The following ZCCHC24 variants were observed in gnomAD, a reference collection of about 807,000 sequenced individuals.
ZCCHC24 encodes zinc finger CCHC-type containing 24.
ZCCHC24 carries 10 observed loss-of-function variants against 26.2 expected under a neutral mutation model. The observed-to-expected ratio is 0.38, with a 90% confidence interval of 0.24 to 0.65. The LOEUF (loss-of-function observed/expected upper bound fraction) is 0.65, where lower values mean the gene tolerates loss of function less well. Among genes scored for constraint, ZCCHC24 ranks in the 30% least tolerant of loss-of-function variants. ZCCHC24 has a pLI of 0.54. For missense variants in ZCCHC24, 243 were observed against 329.1 expected (o/e 0.74, Z 2.03); for synonymous variants, 144 against 147.1 (o/e 0.98, Z 0.15).
At chr10:79,415,716 T>C (rs1172385393) in intron 2 of ZCCHC24, among the ~76,000 whole-genome samples, 3 of 152,174 alleles carry the variant, frequency 2.0e-5, no homozygotes, top group Non-Finnish European at 2.9e-5. Flanking sequence ...TCAGAGGTTG[T>C]TGGAGTGACA....
chr10:79,445,082 A>C, intron 1 of ZCCHC24, 113 bp downstream of exon 1: 1 of 1,075,648 alleles, frequency 9.3e-7, no homozygotes, highest in Non-Finnish European at 1.2e-6. Context: ...GGGCCCGGCA[A>C]TGCGGAGCCG....
intron 2 of ZCCHC24, among the ~76,000 whole-genome samples, chr10:79,424,688 C>T (rs1857001738): frequency 6.6e-6 from 1 of 152,212 alleles, no homozygotes; most frequent in African/African-American, 2.4e-5. Context: ...TCCCTGGCCT[C>T]CAGATAAAGT....
rs2132203578 is a variant in ZCCHC24, at chr10:79,419,320, C to T, written c.447+13238G>A. Reference sequence around the variant, plus strand: ...GCCAAGCCCTGCATTAGACGCTTTCCACACACACTCTGCAAGGATGGTGAA... The same window carrying T: ...GCCAAGCCCTGCATTAGACGCTTTCTACACACACTCTGCAAGGATGGTGAA... On this transcript the variant is annotated intron_variant, in intron 2 of 3. Transcript: ENST00000372336. 1.3e-5 allele frequency among the ~76,000 whole-genome samples: 2 copies of T among 152,312 alleles called. 1 individual carries two copies. The highest frequency in any genetic ancestry group is 4.1e-4 in the South Asian group (2 of 4,830).
intron 1 of ZCCHC24, chr10:79,444,216 G>C (rs1446119004): frequency 6.7e-7 from 1 of 1,498,422 alleles, no homozygotes. Flanking sequence ...GGCCACAGAT[G>C]GGTGTCTGAA....
At chr10:79,404,301 A>T (rs1856679158) in intron 2 of ZCCHC24, among the ~76,000 whole-genome samples, 1 of 152,178 alleles carries the variant, frequency 6.6e-6, no homozygotes, top group African/African-American at 2.4e-5. Context: ...CTCAGGCAAA[A>T]CTTTTTGGAA....
rs866934545 is a variant in ZCCHC24 at position 79,445,262 on chromosome 10, G to A, written c.179C>T (p.Pro60Leu). The change falls in exon 1 of 4, where the codon CCC (proline) becomes CTC (leucine). Residue 60 changes from proline to leucine, a missense_variant. Transcript: ENST00000372336. The part of the protein sequence containing the change: ...PPELAFGKGR[P>L]EQLGSPLHSS... ...GTGCAGGGGCGAGCCCAGCTGCTCGGGGCGGCCCTTGCCGAAGGCCAGCTC... is the reference window on the plus strand; with the variant it reads ...GTGCAGGGGCGAGCCCAGCTGCTCGAGGCGGCCCTTGCCGAAGGCCAGCTC... 6.9e-7 allele frequency: 1 copy of A among 1,446,814 alleles called. No individual in the cohort carries two copies. The highest frequency in any genetic ancestry group is 9.1e-7 in the Non-Finnish European group (1 of 1,095,898). 89.6% of individuals were successfully genotyped at this position (1,446,814 alleles called of 1,614,324 possible). A position where few individuals can be genotyped will look rare whatever the true frequency, so the allele number is the denominator to read the frequency against.
chr10:79,435,265 A>T (rs1857200802), intron 1 of ZCCHC24, among the ~76,000 whole-genome samples: 1 of 151,504 alleles, frequency 6.6e-6, no homozygotes, highest in African/African-American at 2.4e-5. Context: ...AGTCCACAGG[A>T]ATCAGGCTGT....
At chr10:79,423,611 T>TATATA (rs1856985350) in intron 2 of ZCCHC24, among the ~76,000 whole-genome samples, 1 of 83,768 alleles carries the variant, frequency 1.2e-5, no homozygotes, top group African/African-American at 5.9e-5. Context: ...ATATATATAT[T>TATATA]TTCTGACTGC....
chr10:79,399,374 G>GT (rs1856598972), intron 2 of ZCCHC24, among the ~76,000 whole-genome samples: 1 of 152,222 alleles, frequency 6.6e-6, no homozygotes, highest in Non-Finnish European at 1.5e-5. Flanking sequence ...GAAACAGACG[G>GT]TAACTGCTGA....
chr10:79,414,544 C>T (rs1288851387), intron 2 of ZCCHC24, among the ~76,000 whole-genome samples: 1 of 152,190 alleles, frequency 6.6e-6, no homozygotes, highest in Non-Finnish European at 1.5e-5. Context: ...CATCTGGAAC[C>T]TCTGGATATC....
At chr10:79,406,057 G>C (rs1360506974) in intron 2 of ZCCHC24, among the ~76,000 whole-genome samples, 1 of 152,242 alleles carries the variant, frequency 6.6e-6, no homozygotes, top group African/African-American at 2.4e-5. Context: ...ACAGCACTTA[G>C]GAGACTGTGG....
intron 2 of ZCCHC24, among the ~76,000 whole-genome samples, chr10:79,397,300 G>C (rs778874172): frequency 2.6e-5 from 4 of 152,222 alleles, no homozygotes; most frequent in African/African-American, 4.8e-5. Flanking sequence ...CTCAGCACTG[G>C]TCAGATCTGA....
In ZCCHC24 at chr10:79,386,417, C is replaced by T. The variant is rs1270162107; in HGVS notation, c.654G>A (p.Gln218=). 1 of 1,610,574 alleles carries T rather than the reference C, an allele frequency of 6.2e-7. No individual in the cohort carries two copies. The highest frequency in any genetic ancestry group is 1.1e-5 in the South Asian group (1 of 90,984). ...AGAGGTGCTGCGGGTGCTCCTTGCT[C>T]TGGTCGGACACGTCCAGGCCGTCGG... is the stretch of plus-strand genomic sequence containing the variant. The part of the protein sequence containing the change: ...EKPDGLDVSD[Q]SKEHPQHLCE... The change falls in exon 4 of 4, where the codon CAG becomes CAA. Residue 218 remains glutamine, a synonymous_variant. Transcript: ENST00000372336.
chr10:79,433,689 C>T (rs2132219569), intron 1 of ZCCHC24, among the ~76,000 whole-genome samples: 1 of 152,234 alleles, frequency 6.6e-6, no homozygotes, highest in South Asian at 2.1e-4. Flanking sequence ...AGCACAGGTG[C>T]CCAAGAACTG....
rs958999567 is a variant in ZCCHC24 at position 79,428,127 on chromosome 10, A to G, written c.447+4431T>C. Among the ~76,000 whole-genome samples the G allele has an allele frequency of 3.3e-5, 5 of 152,246 alleles. No individual in the cohort carries two copies. The East Asian group carries it at 9.6e-4, about 29-fold the overall frequency. On this transcript the variant is annotated intron_variant, in intron 2 of 3. Coordinates refer to ENST00000372336, the MANE Select transcript of ZCCHC24 (RefSeq NM_153367.4). ...AAAGGTGGAAGCAATCCAGTTGTCC[A>G]TTGATGGGTGAACTGATTTAAAAAT...
At chr10:79,389,239 G>A (rs1020737972) in intron 3 of ZCCHC24, among the ~76,000 whole-genome samples, 2 of 152,198 alleles carry the variant, frequency 1.3e-5, no homozygotes, top group South Asian at 2.1e-4. Context: ...TTCATCTCTG[G>A]GGCTGACAGA....
In ZCCHC24 at chr10:79,386,472, G is replaced by A; in HGVS notation, c.613-14C>T. 6.3e-7 allele frequency: 1 copy of A among 1,582,178 alleles called. No individual in the cohort carries two copies. The highest frequency in any genetic ancestry group is 1.1e-5 in the South Asian group (1 of 88,944). ...CTCCAGGGGTCTCTGCAGAGAGAAG[G>A]AGGAAGGGGCCCAGGGGAGTGAGGG... On this transcript the variant is annotated splice_polypyrimidine_tract_variant and intron_variant, in intron 3 of 3. Transcript: ENST00000372336.
Position 79,445,397 on chromosome 10 carries a change from T to C in ZCCHC24, c.44A>G (p.Tyr15Cys). 7 of 1,508,028 alleles carry C rather than the reference T, an allele frequency of 4.6e-6. No homozygotes were observed. The highest frequency in any genetic ancestry group is 6.2e-6 in the Non-Finnish European group (7 of 1,127,514). The allele number at this position is 1,508,028 out of a possible 1,614,324, so 93.4% of individuals were successfully genotyped here. A position where few individuals can be genotyped will look rare whatever the true frequency, so the allele number is the denominator to read the frequency against. The stretch of plus-strand genomic sequence containing the variant: ...CCAGTTGAGCAGCTGGGCGGGCTGG[T>C]ACACCGAGGCGGCGCTCGTGTCGAT... Reference protein sequence around the residue: ...SAIDTSAASVYQPAQLLNWVY... With the variant: ...SAIDTSAASVCQPAQLLNWVY... The change falls in exon 1 of 4, where the codon TAC (tyrosine) becomes TGC (cysteine). Residue 15 changes from tyrosine (Y) to cysteine (C), a missense_variant. Tyr to Cys is a radical substitution (Grantham distance 194). Around this residue, in one of 2 missense-constraint regions of ZCCHC24, gnomAD observed 147 missense variants for 150.8 expected, o/e 0.97. Transcript: ENST00000372336.
intron 2 of ZCCHC24, among the ~76,000 whole-genome samples, chr10:79,407,346 G>A (rs1856731516): frequency 6.6e-6 from 1 of 152,252 alleles, no homozygotes; most frequent in Non-Finnish European, 1.5e-5. Flanking sequence ...TCCCCAGCAG[G>A]AAGTGAAGGC....
Sources: allele counts gnomAD v4.1 joint callset (sites outside exome capture counted in the v4.1 genomes callset), GRCh38; gene constraint gnomAD v4.1.1; regional missense constraint gnomAD v4.1.1; transcripts MANE v1.5; gene names NCBI Gene and HGNC (gene_info 2026-07-23, HGNC 2026-07-21).